Variants in AFF4 observed in about 807,000 individuals in gnomAD.
The protein encoded by AFF4 is AF4/FMR2 family member 4.
Under a neutral mutation model 124.8 loss-of-function variants are expected in AFF4, and 13 were observed. The observed-to-expected ratio is 0.10, with a 90% CI of 0.07 to 0.17. The LOEUF (loss-of-function observed/expected upper bound fraction) is 0.17. Among genes scored for constraint, AFF4 ranks in the 10% least tolerant of loss-of-function variants. The pLI, the probability that AFF4 is intolerant of heterozygous loss-of-function variation, is 1.00. For missense variants in AFF4, 1,092 were observed against 1,403.8 expected (o/e 0.78, Z 3.55); for synonymous variants, 477 against 496.1 (o/e 0.96, Z 0.51).
intron 1 of AFF4, among the ~76,000 whole-genome samples, chr5:132,956,648 AGAG>A (rs1354516190): frequency 6.7e-6 from 1 of 149,806 alleles, no homozygotes; most frequent in East Asian, 2.0e-4. Context: ...AAAAAAAAAA[AGAG>A]AGAGCGAGAG....
In AFF4 at chr5:132,904,352, G is replaced by C. The variant is rs1561488501; in HGVS notation, c.1087+16C>G. 6.2e-7 allele frequency: 1 copy of C among 1,606,764 alleles called. No homozygotes were observed. Among genetic ancestry groups the C allele is most frequent in the East Asian group, 2.2e-5 (1 of 44,724 alleles). On this transcript the variant is annotated intron_variant, in intron 6 of 20. Transcript: ENST00000265343. ...AATAGCTTAATTTGAAAACAAAGAG[G>C]GAAAGAAATACTCACTTTGTTCTCC...
chr5:132,908,776 ATTTT>A (rs386405007), intron 5 of AFF4, among the ~76,000 whole-genome samples: 2 of 114,920 alleles, frequency 1.7e-5, no homozygotes, highest in Non-Finnish European at 3.7e-5. Flanking sequence ...ATATATATAT[ATTTT>A]TTTTTTTTGA....
At chr5:132,957,426 T>C (rs1282187570) in intron 1 of AFF4, among the ~76,000 whole-genome samples, 1 of 152,058 alleles carries the variant, frequency 6.6e-6, no homozygotes, top group Non-Finnish European at 1.5e-5. Flanking sequence ...GACTTCTAGA[T>C]GTTAACTATT....
intron 1 of AFF4, among the ~76,000 whole-genome samples, chr5:132,954,530 T>G: frequency 6.7e-6 from 1 of 149,852 alleles, no homozygotes; most frequent in African/African-American, 2.5e-5. Flanking sequence ...AGAGGGTGTG[T>G]GTTACAAACA....
At chr5:132,912,674 A>G (rs1309825232) in intron 5 of AFF4, among the ~76,000 whole-genome samples, 2 of 152,134 alleles carry the variant, frequency 1.3e-5, no homozygotes, top group Non-Finnish European at 2.9e-5. Flanking sequence ...AAGATAATAT[A>G]TTGTTTAAAT....
chr5:132,898,649 A>G (rs921126742), intron 9 of AFF4, among the ~76,000 whole-genome samples: 10 of 151,674 alleles, frequency 6.6e-5, no homozygotes, highest in Middle Eastern at 3.2e-3. Flanking sequence ...ACGCCCGGCT[A>G]ATTTCTGTAC....
intron 1 of AFF4, chr5:132,948,790 A>G (rs751153966): frequency 6.4e-6 from 1 of 155,102 alleles, no homozygotes; most frequent in South Asian, 2.0e-4. Context: ...ATGCAAAATC[A>G]CCTCCAAATG....
chr5:132,884,528 C>A (rs1402692898), intron 19 of AFF4, among the ~76,000 whole-genome samples: 1 of 152,204 alleles, frequency 6.6e-6, no homozygotes, highest in Non-Finnish European at 1.5e-5. Context: ...GCGTGAGCTA[C>A]CATGCCCGGC....
intron 5 of AFF4, among the ~76,000 whole-genome samples, chr5:132,906,779 A>C (rs1760680349): frequency 6.6e-6 from 1 of 151,314 alleles, no homozygotes; most frequent in Non-Finnish European, 1.5e-5. Flanking sequence ...AGTGGGCAAG[A>C]GGTCACTTTT....
chr5:132,901,216 A>T, intron 7 of AFF4: 1 of 941,380 alleles, frequency 1.1e-6, no homozygotes, highest in Non-Finnish European at 1.3e-6. Flanking sequence ...ACACATGTGA[A>T]TATGTCAAAG....
intron 1 of AFF4, among the ~76,000 whole-genome samples, chr5:132,962,312 T>A (rs1230143525): frequency 6.6e-6 from 1 of 152,110 alleles, no homozygotes; most frequent in Non-Finnish European, 1.5e-5. Context: ...TTAGATTCCA[T>A]CAAGAAAAAC....
intron 19 of AFF4, 102 bp from the exon 20 acceptor site, chr5:132,883,662 A>T: frequency 9.5e-7 from 1 of 1,055,246 alleles, no homozygotes; most frequent in Non-Finnish European, 1.4e-6. Flanking sequence ...AAATGTAAAG[A>T]TTCTCTTAAA....
chr5:132,891,168 A>G (rs1400156520), intron 13 of AFF4, among the ~76,000 whole-genome samples: 1 of 152,098 alleles, frequency 6.6e-6, no homozygotes, highest in African/African-American at 2.4e-5. Flanking sequence ...GCAGGCCAAT[A>G]TAAAAGTCAA....
intron 5 of AFF4, among the ~76,000 whole-genome samples, chr5:132,915,387 C>T (rs1760886437): frequency 6.6e-6 from 1 of 151,768 alleles, no homozygotes; most frequent in South Asian, 2.1e-4. Flanking sequence ...CACACTATTC[C>T]AGAAAATGGA....
Position 132,880,239 on chromosome 5 carries a change from TG to T in AFF4, c.*819del, listed in dbSNP as rs1759940652. On this transcript the variant is annotated 3_prime_UTR_variant, in exon 21 of 21. Coordinates refer to ENST00000265343, the MANE Select transcript of AFF4 (RefSeq NM_014423.4). ...TAATAAAATCCGTAACGTTCAGGAT[TG>T]TCCTTTTATGAAACCCTTCAACATG... The T allele has an allele frequency of 7.5e-6, 3 of 398,882 alleles. No homozygotes were observed. The East Asian group carries it at 1.1e-4, about 14-fold the overall frequency. The allele number at this position is 398,882 out of a possible 1,614,324, so 24.7% of individuals were successfully genotyped here. A position where few individuals can be genotyped will look rare whatever the true frequency, so the allele number is the denominator to read the frequency against.
At chr5:132,925,878 C>A (rs977876837) in intron 5 of AFF4, among the ~76,000 whole-genome samples, 2 of 152,156 alleles carry the variant, frequency 1.3e-5, no homozygotes, top group Non-Finnish European at 2.9e-5. Flanking sequence ...CAACACTCAG[C>A]AATTCTACTT....
At position 132,932,159 on chromosome 5, in the gene AFF4, T is replaced by C; in HGVS notation, c.963+19A>G. 2 of 1,532,354 alleles carry C rather than the reference T, an allele frequency of 1.3e-6. No homozygotes were observed. The highest frequency in any genetic ancestry group is 1.8e-6 in the Non-Finnish European group (2 of 1,133,634). The allele number at this position is 1,532,354 out of a possible 1,614,324, so 94.9% of individuals were successfully genotyped here. On this transcript the variant is annotated intron_variant, in intron 4 of 20. Transcript: ENST00000265343. ...TAAAAAATTAAAGAAATTGAAATGA[T>C]TTTTTTTAAAAAACTTACTTTTAGG... is the stretch of plus-strand genomic sequence containing the variant.
At chr5:132,932,356 A>T in intron 3 of AFF4, 134 bp from the exon 4 acceptor site, 1 of 547,376 alleles carries the variant, frequency 1.8e-6, no homozygotes, top group Non-Finnish European at 2.9e-6. Context: ...GAATCTTTGG[A>T]TTAATTTCCT....
intron 5 of AFF4, among the ~76,000 whole-genome samples, chr5:132,921,467 T>C (rs1008431221): frequency 2.4e-5 from 3 of 123,388 alleles, no homozygotes; most frequent in Non-Finnish European, 5.1e-5. Flanking sequence ...GTTTTCTTTT[T>C]TTTTTCTTTT....
Sources: allele counts gnomAD v4.1 joint callset (sites outside exome capture counted in the v4.1 genomes callset), GRCh38; gene constraint gnomAD v4.1.1; transcripts MANE v1.5; gene names NCBI Gene and HGNC (gene_info 2026-07-23, HGNC 2026-07-21).